Variants in LHFPL3 observed in about 807,000 individuals in gnomAD.
LHFPL3 encodes the protein LHFPL tetraspan subfamily member 3.
Under a neutral mutation model 19.3 loss-of-function variants are expected in LHFPL3, and 5 were observed. The ratio of observed to expected loss-of-function variants is 0.26; its 90% confidence interval spans 0.14 to 0.54. LHFPL3 has a LOEUF of 0.54. Ranked by LOEUF, LHFPL3 falls within the 20% of genes least tolerant of loss-of-function variation. LHFPL3 has a pLI of 0.94. For synonymous variants in LHFPL3, 133 were observed against 126.2 expected (o/e 1.05, Z -0.36); for missense variants, 249 against 307.4 (o/e 0.81, Z 1.42).
At chr7:104,549,271 C>T (rs993261772) in intron 1 of LHFPL3, among the ~76,000 whole-genome samples, 21 of 151,474 alleles carry the variant, frequency 1.4e-4, no homozygotes, top group African/African-American at 4.6e-4. Context: ...TGCACACATA[C>T]ATATATATAT....
chr7:104,406,673 G>T (rs1791422485), intron 1 of LHFPL3, among the ~76,000 whole-genome samples: 1 of 152,190 alleles, frequency 6.6e-6, no homozygotes, highest in South Asian at 2.1e-4. Flanking sequence ...GGAAAATGTG[G>T]ATGTCATTGG....
chr7:104,649,094 A>G (rs1028914348), intron 1 of LHFPL3, among the ~76,000 whole-genome samples: 60 of 152,318 alleles, frequency 3.9e-4, no homozygotes, highest in African/African-American at 1.4e-3. Context: ...ATCATGATCC[A>G]GGAGTTGAGA....
intron 1 of LHFPL3, among the ~76,000 whole-genome samples, chr7:104,467,413 C>A (rs1158619617): frequency 1.3e-5 from 2 of 152,088 alleles, no homozygotes; most frequent in Non-Finnish European, 2.9e-5. Context: ...AATAATAGTT[C>A]CCACCCATCT....
At chr7:104,717,384 GA>G (rs1320968499) in intron 1 of LHFPL3, among the ~76,000 whole-genome samples, 1 of 152,146 alleles carries the variant, frequency 6.6e-6, no homozygotes, top group African/African-American at 2.4e-5. Context: ...TGGCATGGGA[GA>G]AAATATTTGC....
At chr7:104,508,248 G>T (rs1793739072) in intron 1 of LHFPL3, among the ~76,000 whole-genome samples, 1 of 151,834 alleles carries the variant, frequency 6.6e-6, no homozygotes, top group Non-Finnish European at 1.5e-5. Flanking sequence ...AGAAAATGTG[G>T]CACATATACA....
chr7:104,747,350 G>A (rs1562980822), intron 2 of LHFPL3, among the ~76,000 whole-genome samples: 1 of 151,508 alleles, frequency 6.6e-6, no homozygotes, highest in Non-Finnish European at 1.5e-5. Flanking sequence ...AAATGTCTAT[G>A]TGAATTTGGG....
At chr7:104,515,451 CT>C (rs1793903260) in intron 1 of LHFPL3, among the ~76,000 whole-genome samples, 1 of 152,164 alleles carries the variant, frequency 6.6e-6, no homozygotes, top group African/African-American at 2.4e-5. Context: ...GTTCAAAGAA[CT>C]AAGATCACAA....
intron 2 of LHFPL3, among the ~76,000 whole-genome samples, chr7:104,756,198 GAAGT>G (rs552503730): frequency 1.5e-3 from 231 of 152,240 alleles, no homozygotes; most frequent in African/African-American, 5.3e-3. Flanking sequence ...AAGCAAATGA[GAAGT>G]AAGGACTGAG....
intron 1 of LHFPL3, among the ~76,000 whole-genome samples, chr7:104,517,610 G>C (rs991370808): frequency 6.6e-6 from 1 of 150,504 alleles, no homozygotes. Context: ...AGGTTCAAGC[G>C]ATCTTCCTGC....
intron 1 of LHFPL3, among the ~76,000 whole-genome samples, chr7:104,337,090 G>T (rs1789824480): frequency 6.6e-6 from 1 of 152,008 alleles, no homozygotes; most frequent in Non-Finnish European, 1.5e-5. Flanking sequence ...ATGGCCCTTA[G>T]TTGGTTTCAG....
chr7:104,852,204 C>T (rs578084998), intron 2 of LHFPL3, among the ~76,000 whole-genome samples: 107 of 152,130 alleles, frequency 7.0e-4, no homozygotes, highest in Middle Eastern at 3.4e-3. Flanking sequence ...AACTGTAAGA[C>T]ATAATTAAAA....
chr7:104,494,484 CAT>C (rs913892011), intron 1 of LHFPL3, among the ~76,000 whole-genome samples: 58 of 152,308 alleles, frequency 3.8e-4, no homozygotes, highest in Non-Finnish European at 6.2e-4. Flanking sequence ...CTCATTTTCA[CAT>C]GTTTACATCC....
At chr7:104,432,995 T>G (rs42181) in intron 1 of LHFPL3, among the ~76,000 whole-genome samples, 17,625 of 152,194 alleles carry the variant, frequency 0.12, 1,152 homozygotes, top group African/African-American at 0.18. Context: ...ATTCTGAAAT[T>G]TTTTGGTCTC....
intron 1 of LHFPL3, among the ~76,000 whole-genome samples, chr7:104,476,769 C>CT (rs201044111): frequency 2.2e-3 from 339 of 151,820 alleles, no homozygotes; most frequent in Middle Eastern, 0.014. Context: ...CAGCTTCCTG[C>CT]TTTTTTTTAT....
intron 1 of LHFPL3, among the ~76,000 whole-genome samples, chr7:104,525,606 G>GTTTT (rs1361749453): frequency 1.8e-5 from 2 of 111,988 alleles, no homozygotes; most frequent in African/African-American, 6.8e-5. Flanking sequence ...TGTTTTTTGG[G>GTTTT]TTTTTTTTTT....
At chr7:104,548,349 C>A (rs548817768) in intron 1 of LHFPL3, among the ~76,000 whole-genome samples, 1 of 152,024 alleles carries the variant, frequency 6.6e-6, no homozygotes, top group Admixed American at 6.6e-5. Context: ...GAGTAAACAG[C>A]AATCCATATA....
intron 1 of LHFPL3, among the ~76,000 whole-genome samples, chr7:104,336,545 T>C (rs904088399): frequency 9.3e-5 from 14 of 150,636 alleles, no homozygotes; most frequent in Non-Finnish European, 2.1e-4. Context: ...AAGGGGAAGA[T>C]AAATAGTTTT....
chr7:104,776,560 A>G (rs1794639353), intron 2 of LHFPL3, among the ~76,000 whole-genome samples: 1 of 152,160 alleles, frequency 6.6e-6, no homozygotes, highest in Non-Finnish European at 1.5e-5. Flanking sequence ...CTGATTCTGC[A>G]GGTCTGGAGG....
chr7:104,586,492 C>T (rs879885304), intron 1 of LHFPL3, among the ~76,000 whole-genome samples: 1 of 152,036 alleles, frequency 6.6e-6, no homozygotes, highest in African/African-American at 2.4e-5. Flanking sequence ...ATTGATTTTT[C>T]AAAGCATTAC....
Sources: allele counts gnomAD v4.1 joint callset (sites outside exome capture counted in the v4.1 genomes callset), GRCh38; gene constraint gnomAD v4.1.1; transcripts MANE v1.5; gene names NCBI Gene and HGNC (gene_info 2026-07-23, HGNC 2026-07-21).